Variants in SMAD2 observed in about 807,000 individuals in gnomAD.
SMAD2 encodes the protein SMAD family member 2, also known as MAD homolog 2.
A neutral mutation model predicts 64.4 loss-of-function variants in SMAD2; 8 were observed. The observed-to-expected ratio is 0.12, with a 90% CI of 0.07 to 0.22. The LOEUF is 0.22. Among genes scored for constraint, SMAD2 ranks in the 10% least tolerant of loss-of-function variants. SMAD2 has a pLI of 1.00. For synonymous variants in SMAD2, 203 were observed against 195.8 expected (o/e 1.04, Z -0.31); for missense variants, 289 against 561.2 (o/e 0.51, Z 4.90).
chr18:47,850,650 A>T (rs1212073946), intron 7 of SMAD2, among the ~76,000 whole-genome samples: 1 of 44,844 alleles, frequency 2.2e-5, no homozygotes, highest in Non-Finnish European at 3.5e-5. Flanking sequence ...TATTATGTAT[A>T]ATATATATTA....
At chr18:47,853,836 A>T (rs1300518559) in intron 6 of SMAD2, among the ~76,000 whole-genome samples, 1 of 152,186 alleles carries the variant, frequency 6.6e-6, no homozygotes, top group East Asian at 1.9e-4. Context: ...ACATATTTGG[A>T]ACAATGAGCT....
intron 10 of SMAD2, chr18:47,845,131 G>T (rs946802462): frequency 1.6e-6 from 1 of 635,558 alleles, no homozygotes; most frequent in African/African-American, 1.8e-5. Context: ...TAAAATGCAC[G>T]CCTGTGCATG....
At position 47,839,252 on chromosome 18, in the gene SMAD2, C is replaced by A. The variant is rs1488485421; in HGVS notation, c.*2575G>T. On this transcript the variant is annotated 3_prime_UTR_variant, in exon 11 of 11. Coordinates refer to ENST00000262160, the MANE Select transcript of SMAD2 (RefSeq NM_005901.6). ...CACTACTGAAACAGCATAGTAGGCA[C>A]TGCTTGACCTAACACAGTAATGCAA... is the stretch of plus-strand genomic sequence containing the variant. The A allele has an allele frequency of 4.3e-6, 1 of 233,268 alleles. No individual in the cohort carries two copies. Among genetic ancestry groups the A allele is most frequent in the African/African-American group, 2.2e-5 (1 of 45,326 alleles). The allele number at this position is 233,268 out of a possible 1,614,324, so 14.4% of individuals were successfully genotyped here.
Position 47,841,739 on chromosome 18 carries a change from T to G in SMAD2, c.*88A>C. The G allele has an allele frequency of 6.7e-7, 1 of 1,489,136 alleles. No individual in the cohort carries two copies. The highest frequency in any genetic ancestry group is 1.7e-5 in the Admixed American group (1 of 59,026). The allele number at this position is 1,489,136 out of a possible 1,614,324, so 92.2% of individuals were successfully genotyped here. On this transcript the variant is annotated 3_prime_UTR_variant, in exon 11 of 11. Transcript: ENST00000262160. Reference sequence around the variant, plus strand: ...CTGTTTTCTCTCTTGAACTTTTGGATAGTAAACAGTCCATAGGGACCACAC... The same window carrying G: ...CTGTTTTCTCTCTTGAACTTTTGGAGAGTAAACAGTCCATAGGGACCACAC...
At chr18:47,910,171 G>GAAA (rs34177639) in intron 1 of SMAD2, among the ~76,000 whole-genome samples, 1 of 141,274 alleles carries the variant, frequency 7.1e-6, no homozygotes, top group Non-Finnish European at 1.5e-5. Flanking sequence ...TGTGGATATG[G>GAAA]AAAAAAAAAA....
intron 6 of SMAD2, among the ~76,000 whole-genome samples, chr18:47,861,125 G>A (rs915378348): frequency 6.6e-6 from 1 of 152,300 alleles, no homozygotes; most frequent in African/African-American, 2.4e-5. Flanking sequence ...GGAGGCCGAG[G>A]CGGGTGGATC....
intron 2 of SMAD2, among the ~76,000 whole-genome samples, chr18:47,871,896 G>T (rs548741257): frequency 1.9e-3 from 263 of 138,908 alleles, no homozygotes; most frequent in Admixed American, 5.9e-3. Context: ...GTCTATTAAA[G>T]AAATGGTATA....
At chr18:47,855,625 CTTT>C (rs2030606522) in intron 6 of SMAD2, among the ~76,000 whole-genome samples, 1 of 151,854 alleles carries the variant, frequency 6.6e-6, no homozygotes, top group Non-Finnish European at 1.5e-5. Context: ...GGCAGGGGTA[CTTT>C]TTTCTTTTTT....
intron 2 of SMAD2, chr18:47,895,319 T>C (rs1000992447): frequency 1.3e-5 from 2 of 152,266 alleles, no homozygotes; most frequent in Non-Finnish European, 2.9e-5. Context: ...CTTCCCTCAG[T>C]TGGCTGCTGC....
At chr18:47,890,881 C>G (rs983753432) in intron 2 of SMAD2, among the ~76,000 whole-genome samples, 3 of 152,072 alleles carry the variant, frequency 2.0e-5, no homozygotes, top group Non-Finnish European at 4.4e-5. Context: ...TTTAGCTATT[C>G]CTGGTTACCT....
intron 6 of SMAD2, among the ~76,000 whole-genome samples, chr18:47,856,799 G>C (rs1040685878): frequency 6.6e-6 from 1 of 150,476 alleles, no homozygotes; most frequent in African/African-American, 2.4e-5. Context: ...TTAATTTTTT[G>C]CTAGATGCAA....
rs1913054219 is a variant in SMAD2 at position 47,832,794 on chromosome 18, T to C, written c.*9033A>G. 6.6e-6 allele frequency: 1 copy of C among 152,336 alleles called. No homozygotes were observed. Among genetic ancestry groups the C allele is most frequent in the Non-Finnish European group, 1.5e-5 (1 of 68,112 alleles). The allele number at this position is 152,336 out of a possible 1,614,324, so 9.4% of individuals were successfully genotyped here. Reference sequence around the variant, plus strand: ...TATGTATTAGAGCGCTAATGTAGCATAGGCAAACTCTGAAATAAATAAAAA... The same window carrying C: ...TATGTATTAGAGCGCTAATGTAGCACAGGCAAACTCTGAAATAAATAAAAA... On this transcript the variant is annotated 3_prime_UTR_variant, in exon 11 of 11. Coordinates refer to ENST00000262160, the MANE Select transcript of SMAD2 (RefSeq NM_005901.6).
intron 2 of SMAD2, among the ~76,000 whole-genome samples, chr18:47,879,196 CT>C (rs1339216900): frequency 6.6e-6 from 1 of 152,180 alleles, no homozygotes; most frequent in Non-Finnish European, 1.5e-5. Flanking sequence ...GTTCGCTGTT[CT>C]TTTTTTCTTT....
At chr18:47,917,746 T>C (rs1455531355) in intron 1 of SMAD2, among the ~76,000 whole-genome samples, 3 of 152,062 alleles carry the variant, frequency 2.0e-5, no homozygotes, top group East Asian at 1.9e-4. Flanking sequence ...TTTTAAGATA[T>C]GGGTTCTCCC....
intron 1 of SMAD2, among the ~76,000 whole-genome samples, chr18:47,917,115 G>A (rs1196380867): frequency 6.6e-6 from 1 of 152,142 alleles, no homozygotes; most frequent in Non-Finnish European, 1.5e-5. Flanking sequence ...CTGCCTCCTG[G>A]GTTCAAGCGA....
At chr18:47,872,498 T>C (rs572667983) in intron 2 of SMAD2, among the ~76,000 whole-genome samples, 2 of 152,286 alleles carry the variant, frequency 1.3e-5, no homozygotes, top group East Asian at 3.9e-4. Context: ...ATGTATTACA[T>C]ATTATGCATA....
intron 5 of SMAD2, 62 bp downstream of exon 5, chr18:47,868,261 G>C: frequency 1.4e-6 from 2 of 1,403,018 alleles, no homozygotes; most frequent in South Asian, 2.3e-5. Flanking sequence ...ACTAAAACTT[G>C]AATGCTTATG....
chr18:47,850,236 A>ACAT (rs1915019465), intron 7 of SMAD2, among the ~76,000 whole-genome samples: 1 of 49,806 alleles, frequency 2.0e-5, no homozygotes, highest in Non-Finnish European at 3.4e-5. Flanking sequence ...TATATATTAT[A>ACAT]TATTATATAT....
rs1313964025 is a variant in SMAD2, at chr18:47,835,907, A to C, written c.*5920T>G. 1 of 206,780 alleles carries C rather than the reference A, an allele frequency of 4.8e-6. No individual in the cohort carries two copies. Among genetic ancestry groups the C allele is most frequent in the East Asian group, 7.3e-5 (1 of 13,670 alleles). 12.8% of individuals were successfully genotyped at this position (206,780 alleles called of 1,614,324 possible). On this transcript the variant is annotated 3_prime_UTR_variant, in exon 11 of 11. Coordinates refer to ENST00000262160, the MANE Select transcript of SMAD2 (RefSeq NM_005901.6). ...AGGGTAAAAGAATACTTTTCTCGAA[A>C]TTTTTTTGAAGAAAAATCTAAAAGC...
Sources: allele counts gnomAD v4.1 joint callset (sites outside exome capture counted in the v4.1 genomes callset), GRCh38; gene constraint gnomAD v4.1.1; transcripts MANE v1.5; gene names NCBI Gene and HGNC (gene_info 2026-07-23, HGNC 2026-07-21).